Variants in TPM2 observed in about 807,000 individuals in gnomAD.
The protein encoded by TPM2 is tropomyosin 2.
Under a neutral mutation model 41.0 loss-of-function variants are expected in TPM2, and 26 were observed. The observed-to-expected ratio is 0.63, with a 90% CI of 0.46 to 0.88. TPM2 has a LOEUF of 0.88. TPM2 is among the 40% of genes least tolerant of loss of function. The probability of loss-of-function intolerance (pLI) is 0.00; values close to 1 mark genes in which losing one functional copy is unlikely to be tolerated. For missense variants in TPM2, 187 were observed against 355.2 expected (o/e 0.53, Z 3.81); for synonymous variants, 143 against 139.3 (o/e 1.03, Z -0.19).
intron 1 of TPM2, 131 bp from the exon 2 acceptor site, chr9:35,689,402 A>C: frequency 6.7e-7 from 1 of 1,486,180 alleles, no homozygotes; most frequent in Non-Finnish European, 8.9e-7. Context: ...TAAAAGGGAC[A>C]GTACAGTCAA....
In TPM2 at chr9:35,685,296, G is replaced by T; in HGVS notation, c.536C>A (p.Ser179Ter). The T allele has an allele frequency of 6.2e-7, 1 of 1,614,148 alleles. No individual in the cohort carries two copies. Among genetic ancestry groups the T allele is most frequent in the Non-Finnish European group, 8.5e-7 (1 of 1,180,024 alleles). The change falls in exon 5 of 9, where the codon TCG (serine) becomes TAG (stop). Residue 179 changes from serine (S) to a stop codon, truncating the protein, a stop_gained. Coordinates refer to ENST00000645482, the MANE Select transcript of TPM2 (RefSeq NM_003289.4). LOFTEE classifies it high-confidence loss of function. This position sits in a 1 kb window ranked among gnomAD's most constrained non-coding sequence, Gnocchi z 5.0. Reference protein sequence around the residue: ...LVILEGELERSEERAEVAESK... With the variant: ...LVILEGELER ...CTCGGCCACCTCAGCCCTCTCCTCC[G>T]AGCGCTCCAGCTCTCCTTCCAGGAT...
At chr9:35,686,630 C>T (rs1450330681) in intron 2 of TPM2, among the ~76,000 whole-genome samples, 1 of 113,614 alleles carries the variant, frequency 8.8e-6, no homozygotes, top group Admixed American at 9.9e-5. Context: ...TAGCAAGATC[C>T]CATCTCAAAA....
rs946627240 is a variant in TPM2 at position 35,682,951 on chromosome 9, A to G, written c.*208T>C. ...TGGAGACCAAGTTCAGAATTTATTA[A>G]GCAGCAAAGGAGGGTGGAAGGGGAT... On this transcript the variant is annotated 3_prime_UTR_variant, in exon 9 of 9. Transcript: ENST00000645482. 1.3e-6 allele frequency: 2 copies of G among 1,510,056 alleles called. No homozygotes were observed. The highest frequency in any genetic ancestry group is 2.8e-5 in the African/African-American group (2 of 72,144). 93.5% of individuals were successfully genotyped at this position (1,510,056 alleles called of 1,614,324 possible). A position where few individuals can be genotyped will look rare whatever the true frequency, so the allele number is the denominator to read the frequency against.
chr9:35,685,548 T>G lies in TPM2; in HGVS notation c.378A>C (p.Gly126=), dbSNP rs1190353592. The G allele has an allele frequency of 1.9e-6, 3 of 1,614,032 alleles. No individual in the cohort carries two copies. The highest frequency in any genetic ancestry group is 2.5e-6 in the Non-Finnish European group (3 of 1,180,038). ...TGGCCCGGTTTTCGATGACCTTCAT[T>G]CCTCTGAAAGGCAGGGAGAGGGTGA... ...AEKAADESER[G]MKVIENRAMK... Residue 126 remains glycine (G), a synonymous_variant, in exon 4 of 9, where the codon GGA becomes GGC. Coordinates refer to ENST00000645482, the MANE Select transcript of TPM2 (RefSeq NM_003289.4). This position sits in a 1 kb window ranked among gnomAD's most constrained non-coding sequence, Gnocchi z 5.0.
At chr9:35,682,376 G>C, downstream of TPM2, 3 of 1,003,920 alleles carry the variant, frequency 3.0e-6, no homozygotes, top group Non-Finnish European at 4.3e-6. Flanking sequence ...AGGCCTTGGG[G>C]TCATAGAGGT....
At chr9:35,687,559 G>T (rs3793537) in intron 2 of TPM2, among the ~76,000 whole-genome samples, 1 of 151,836 alleles carries the variant, frequency 6.6e-6, no homozygotes, top group Non-Finnish European at 1.5e-5. Flanking sequence ...CATATATAGA[G>T]AGTAGATGGT....
At chr9:35,682,290 C>T (rs1304853467), downstream of TPM2, 3 of 1,091,032 alleles carry the variant, frequency 2.7e-6, no homozygotes, top group East Asian at 5.1e-5. Context: ...TCACGGACCT[C>T]AGGGCCCCTT....
At position 35,683,035 on chromosome 9, in the gene TPM2, G is replaced by A; in HGVS notation, c.*124C>T. 6.5e-7 allele frequency: 1 copy of A among 1,549,688 alleles called. No individual in the cohort carries two copies. Among genetic ancestry groups the A allele is most frequent in the Non-Finnish European group, 8.7e-7 (1 of 1,146,374 alleles). On this transcript the variant is annotated 3_prime_UTR_variant, in exon 9 of 9. Transcript: ENST00000645482. ...GTGGGCATGATGGGGGCTCTCCCTAGGCTGCTCCCAGCCTGGCTGTGCAAT... is the reference window on the plus strand; with the variant it reads ...GTGGGCATGATGGGGGCTCTCCCTAAGCTGCTCCCAGCCTGGCTGTGCAAT...
At chr9:35,682,293 G>C, downstream of TPM2, 1 of 1,091,546 alleles carries the variant, frequency 9.2e-7, no homozygotes, top group Non-Finnish European at 1.4e-6. Flanking sequence ...CGGACCTCAG[G>C]GCCCCTTGGC....
chr9:35,682,217 G>A (rs1737021658), downstream of TPM2: 1 of 1,582,206 alleles, frequency 6.3e-7, no homozygotes, highest in African/African-American at 1.3e-5. Flanking sequence ...GGGAGACGTG[G>A]GGAGGCAGGG....
At chr9:35,687,249 ATCT>A (rs754902550) in intron 2 of TPM2, among the ~76,000 whole-genome samples, 2 of 151,976 alleles carry the variant, frequency 1.3e-5, no homozygotes, top group Non-Finnish European at 2.9e-5. Context: ...GGGCTTGGGA[ATCT>A]TCTCTTTTTT....
At position 35,687,145 on chromosome 9, in the gene TPM2, TCA is replaced by T. The variant is rs1473099511; in HGVS notation, c.241-1367_241-1366del. Among the ~76,000 whole-genome samples the T allele has an allele frequency of 2.6e-5, 4 of 152,298 alleles. No individual in the cohort carries two copies. In the East Asian group the frequency reaches 7.7e-4, roughly 29 times the overall value. On this transcript the variant is annotated intron_variant, in intron 2 of 8. Coordinates refer to ENST00000645482, the MANE Select transcript of TPM2 (RefSeq NM_003289.4). ...TGAGATAATCCACTGCTTTTAATAC[TCA>T]GTTAATCAACAGGACCTTCGGTGAG...
rs969428724 is a variant in TPM2, at chr9:35,683,157, G to C, written c.*2C>G. On this transcript the variant is annotated 3_prime_UTR_variant, in exon 9 of 9. Transcript: ENST00000645482. ...GCTGAGGTGGCCACGCTGGCGTGGG[G>C]CTCAGAGGGAGGTGATGTCATTGAG... The C allele has an allele frequency of 6.4e-7, 1 of 1,553,416 alleles. No homozygotes were observed. The highest frequency in any genetic ancestry group is 8.7e-7 in the Non-Finnish European group (1 of 1,147,640).
At chr9:35,689,670 G>A (rs770143328) in intron 1 of TPM2, 34 bp downstream of exon 1, 131 of 1,609,482 alleles carry the variant, frequency 8.1e-5, no homozygotes, top group Non-Finnish European at 1.1e-4. Flanking sequence ...CCCTAGGCGC[G>A]GGGAGAGCAG....
intron 2 of TPM2, among the ~76,000 whole-genome samples, chr9:35,686,855 A>G (rs1824945460): frequency 6.6e-6 from 1 of 152,168 alleles, no homozygotes; most frequent in South Asian, 2.1e-4. Context: ...AGGCAAAACC[A>G]TGGAGGTTTT....
At position 35,684,286 on chromosome 9, in the gene TPM2, C is replaced by G; in HGVS notation, c.732G>C (p.Arg244Ser). 6.2e-7 allele frequency: 1 copy of G among 1,614,168 alleles called. No homozygotes were observed. Among genetic ancestry groups the G allele is most frequent in the Non-Finnish European group, 8.5e-7 (1 of 1,180,030 alleles). ...TGGTTTTCTCCAACTTTGCCACAGA[C>G]CTCTCGGCAAACTCTGCTCGGGTCT... is the stretch of plus-strand genomic sequence containing the variant. ...EAETRAEFAE[R>S]SVAKLEKTID... is the part of the protein sequence containing the mutation. Residue 244 changes from arginine to serine, a missense_variant, in exon 8 of 9, where the codon AGG becomes AGC. Arg to Ser is a moderately radical substitution (Grantham distance 110). Transcript: ENST00000645482.
At position 35,685,292 on chromosome 9, in the gene TPM2, C is replaced by T. The variant is rs2131851861; in HGVS notation, c.540G>A (p.Glu180=). Residue 180 remains glutamate, a synonymous_variant, in exon 5 of 9, where the codon GAG becomes GAA. Coordinates refer to ENST00000645482, the MANE Select transcript of TPM2 (RefSeq NM_003289.4). The surrounding 1 kb of genome is among the most constrained non-coding windows in gnomAD (Gnocchi z 5.0). The stretch of plus-strand genomic sequence containing the variant: ...ACCTCTCGGCCACCTCAGCCCTCTC[C>T]TCCGAGCGCTCCAGCTCTCCTTCCA... ...VILEGELERS[E]ERAEVAESKC... The T allele has an allele frequency of 1.2e-6, 2 of 1,614,252 alleles. No individual in the cohort carries two copies. The highest frequency in any genetic ancestry group is 1.7e-6 in the Non-Finnish European group (2 of 1,180,038).
At chr9:35,682,022 A>C (rs954208606), downstream of TPM2, 6 of 1,563,810 alleles carry the variant, frequency 3.8e-6, no homozygotes, top group Non-Finnish European at 5.3e-6. Context: ...GAGGCTAGTA[A>C]CATCAGTTTT....
intron 2 of TPM2, among the ~76,000 whole-genome samples, chr9:35,688,571 C>CA (rs1825071679): frequency 1.3e-5 from 2 of 152,284 alleles, no homozygotes; most frequent in South Asian, 4.1e-4. Flanking sequence ...TGTGGCCTGG[C>CA]ATGGTCTCCA....
Sources: gnomAD v4.1 joint callset for allele counts (sites outside exome capture counted in the v4.1 genomes callset) on GRCh38, gnomAD v4.1.1 for gene constraint, Gnocchi (gnomAD v3.1) non-coding constraint, MANE v1.5 for transcripts, NCBI Gene and HGNC (gene_info 2026-07-23, HGNC 2026-07-21) for gene names.